The following CFLAR variants were observed in gnomAD, a reference collection of about 807,000 sequenced individuals.
The protein encoded by CFLAR is CASP8 and FADD like apoptosis regulator.
CFLAR carries 14 observed loss-of-function variants against 51.1 expected under a neutral mutation model. The ratio of observed to expected loss-of-function variants is 0.27; its 90% CI spans 0.18 to 0.43. CFLAR has a LOEUF of 0.43. Among genes scored for constraint, CFLAR ranks in the 20% least tolerant of loss-of-function variants. The probability of loss-of-function intolerance (pLI) is 1.00; values close to 1 mark genes in which losing one functional copy is unlikely to be tolerated. For synonymous variants in CFLAR, 210 were observed against 211.6 expected (o/e 0.99, Z 0.06); for missense variants, 390 against 566.5 (o/e 0.69, Z 3.16).
chr2:201,125,684 C>T (rs1279850921), intron 1 of CFLAR, among the ~76,000 whole-genome samples: 1 of 151,762 alleles, frequency 6.6e-6, no homozygotes, highest in South Asian at 2.1e-4. Context: ...TGGAGGTTTC[C>T]CACACTCCTT....
chr2:201,163,466 T>C, intron 9 of CFLAR: 1 of 1,114,766 alleles, frequency 9.0e-7, no homozygotes, highest in Non-Finnish European at 1.1e-6. Context: ...CTGGCCTCCT[T>C]AGTGGTGGCC....
chr2:201,141,377 A>G, intron 5 of CFLAR: 1 of 1,558,016 alleles, frequency 6.4e-7, no homozygotes, highest in Non-Finnish European at 8.7e-7. Context: ...TCTACAGATG[A>G]TAACACCCTA....
chr2:201,140,271 A>G, intron 4 of CFLAR, 86 bp from the exon 5 acceptor site: 1 of 1,515,400 alleles, frequency 6.6e-7, no homozygotes, highest in East Asian at 2.4e-5. Context: ...AAAGATGGTG[A>G]TTGACCTTGG....
In CFLAR at chr2:201,130,166, T is replaced by C; in HGVS notation, c.281+20T>C. The C allele has an allele frequency of 2.4e-6, 1 of 412,374 alleles. No individual in the cohort carries two copies. 25.5% of individuals were successfully genotyped at this position (412,374 alleles called of 1,614,324 possible). Reference sequence around the variant, plus strand: ...CTATAGGTAATTCATCAACTCTTCCTGAGGCTGGGTGGGTGGGAGGGAGTG... The same window carrying C: ...CTATAGGTAATTCATCAACTCTTCCCGAGGCTGGGTGGGTGGGAGGGAGTG... On this transcript the variant is annotated intron_variant, in intron 2 of 9. Transcript: ENST00000309955.
chr2:201,139,992 C>T (rs1938188521), intron 4 of CFLAR: 1 of 284,352 alleles, frequency 3.5e-6, no homozygotes, highest in South Asian at 2.8e-5. Context: ...TCCTCGACCA[C>T]GTAGCCGGTG....
At chr2:201,137,540 G>C in intron 4 of CFLAR, 1 of 683,792 alleles carries the variant, frequency 1.5e-6, no homozygotes, top group Non-Finnish European at 2.7e-6. Flanking sequence ...TCTCGTAAGA[G>C]TGCAGGCCAT....
chr2:201,123,451 C>G (rs1354549573), intron 1 of CFLAR, among the ~76,000 whole-genome samples: 1 of 152,296 alleles, frequency 6.6e-6, no homozygotes, highest in East Asian at 1.9e-4. Flanking sequence ...GTGCCTTGAA[C>G]ACTGCATTCT....
In CFLAR at chr2:201,138,242, T is replaced by G; in HGVS notation, c.524-2115T>G. 1.1e-6 allele frequency: 1 copy of G among 890,538 alleles called. No homozygotes were observed. The highest frequency in any genetic ancestry group is 1.9e-6 in the Non-Finnish European group (1 of 524,590). 55.2% of individuals were successfully genotyped at this position (890,538 alleles called of 1,614,324 possible). A position where few individuals can be genotyped will look rare whatever the true frequency, so the allele number is the denominator to read the frequency against. On this transcript the variant is annotated intron_variant, in intron 4 of 9. Coordinates refer to ENST00000309955, the MANE Select transcript of CFLAR (RefSeq NM_003879.7). The surrounding 1 kb of genome is among the most constrained non-coding windows in gnomAD (Gnocchi z 4.0). The stretch of plus-strand genomic sequence containing the variant: ...ATACACCGAGTTCCCTTGGGACGAG[T>G]CCAAGCCTATGACATTGACGCCTAC...
intron 9 of CFLAR, chr2:201,163,122 A>G (rs760514896): frequency 1.3e-6 from 1 of 768,524 alleles, no homozygotes; most frequent in South Asian, 1.5e-5. Flanking sequence ...TGTGTCCCTG[A>G]ATTCTCCCTG....
chr2:201,162,849 TA>T (rs1377809988), intron 9 of CFLAR: 81 of 558,894 alleles, frequency 1.4e-4, no homozygotes, highest in Non-Finnish European at 2.6e-4. Context: ...AGCATCAGTT[TA>T]ATGTATGCAC....
intron 3 of CFLAR, among the ~76,000 whole-genome samples, chr2:201,135,508 T>C (rs935086718): frequency 9.9e-5 from 15 of 152,220 alleles, no homozygotes; most frequent in Non-Finnish European, 1.9e-4. Flanking sequence ...GAGTCTAAGT[T>C]GCTCATGACA....
chr2:201,139,387 G>A (rs1937849407), intron 4 of CFLAR: 1 of 196,298 alleles, frequency 5.1e-6, no homozygotes, highest in Non-Finnish European at 1.1e-5. Context: ...CATGGGAAGG[G>A]AAAGACCTGA....
chr2:201,164,595 G>A lies in CFLAR; in HGVS notation c.*622G>A, dbSNP rs1311718814. On this transcript the variant is annotated 3_prime_UTR_variant, in exon 10 of 10. Transcript: ENST00000309955. ...TGCTTTTATTCTGGCAGTGCTGGCA[G>A]CTGATTAGATGGTGCCCACCCAGAT... The A allele has an allele frequency of 6.6e-6, 1 of 152,226 alleles. No individual in the cohort carries two copies. The highest frequency in any genetic ancestry group is 2.4e-5 in the African/African-American group (1 of 41,452). 9.4% of individuals were successfully genotyped at this position (152,226 alleles called of 1,614,324 possible).
At chr2:201,140,954 G>T (rs1335507581) in intron 5 of CFLAR, among the ~76,000 whole-genome samples, 2 of 151,946 alleles carry the variant, frequency 1.3e-5, no homozygotes, top group Non-Finnish European at 2.9e-5. Flanking sequence ...TTTTTGCCCG[G>T]GTGCGGTGGC....
At chr2:201,130,187 G>GGTGCA in intron 2 of CFLAR, 41 bp downstream of exon 2, 1 of 292,394 alleles carries the variant, frequency 3.4e-6, no homozygotes, top group Non-Finnish European at 7.1e-6. Flanking sequence ...GGGTGGGAGG[G>GGTGCA]AGTGAAGTGT....
At position 201,160,871 on chromosome 2, in the gene CFLAR, C is replaced by G. The variant is rs763976904; in HGVS notation, c.1233C>G (p.Ser411=). The G allele has an allele frequency of 1.3e-5, 21 of 1,612,228 alleles. No individual in the cohort carries two copies. Among genetic ancestry groups the G allele is most frequent in the Non-Finnish European group, 1.8e-5 (21 of 1,178,640 alleles). Residue 411 remains serine (S), a synonymous_variant, in exon 9 of 10, where the codon TCC becomes TCG. Coordinates refer to ENST00000309955, the MANE Select transcript of CFLAR (RefSeq NM_003879.7). The part of the protein sequence containing the change: ...FFWSLCTADM[S]LLEQSHSSPS... ...GGAGCCTGTGTACTGCGGACATGTCCCTGCTGGAGCAGTCTCACAGCTCAC... is the reference window on the plus strand; with the variant it reads ...GGAGCCTGTGTACTGCGGACATGTCGCTGCTGGAGCAGTCTCACAGCTCAC...
chr2:201,163,602 T>C (rs1294858553), intron 9 of CFLAR: 2 of 1,324,714 alleles, frequency 1.5e-6, no homozygotes, highest in South Asian at 1.8e-5. Context: ...TGGGTTATCA[T>C]CTGGCTGGTA....
At chr2:201,122,034 C>T (rs977987206) in intron 1 of CFLAR, among the ~76,000 whole-genome samples, 14 of 152,216 alleles carry the variant, frequency 9.2e-5, no homozygotes, top group Admixed American at 7.2e-4. Flanking sequence ...AGGTCTTCTT[C>T]GTACTACCTG....
chr2:201,142,385 G>A (rs1364438912), intron 5 of CFLAR, among the ~76,000 whole-genome samples: 4 of 151,964 alleles, frequency 2.6e-5, no homozygotes, highest in South Asian at 2.1e-4. Context: ...GTCTGTAAGA[G>A]ACACTACTGA....
Sources: allele counts gnomAD v4.1 joint callset (sites outside exome capture counted in the v4.1 genomes callset), GRCh38; gene constraint gnomAD v4.1.1; non-coding constraint Gnocchi (gnomAD v3.1); transcripts MANE v1.5; gene names NCBI Gene and HGNC (gene_info 2026-07-23, HGNC 2026-07-21).